The following BABAM2 variants were observed in gnomAD, a reference collection of about 807,000 sequenced individuals.
BABAM2 encodes the protein BRISC and BRCA1 A complex member 2.
Under a neutral mutation model 54.7 loss-of-function variants are expected in BABAM2, and 31 were observed. The observed-to-expected ratio is 0.57, with a 90% CI of 0.43 to 0.77. BABAM2 has a LOEUF of 0.77. Ranked by LOEUF, BABAM2 falls within the 30% of genes least tolerant of loss-of-function variation. The probability of loss-of-function intolerance (pLI) is 0.00; values close to 1 mark genes in which losing one functional copy is unlikely to be tolerated. For missense variants in BABAM2, 364 were observed against 455.8 expected, an observed-to-expected ratio of 0.80 and a Z score of 1.83; for synonymous variants, 167 against 162.9, an observed-to-expected ratio of 1.03 and a Z score of -0.19.
chr2:27,972,910 G>A (rs1671325543), intron 3 of BABAM2, among the ~76,000 whole-genome samples: 1 of 151,560 alleles, frequency 6.6e-6, no homozygotes, highest in East Asian at 1.9e-4. Flanking sequence ...GGGACTACAG[G>A]CGCGCACCCC....
At chr2:28,221,114 CTCT>C (rs1348713596) in intron 7 of BABAM2, among the ~76,000 whole-genome samples, 88 of 100,986 alleles carry the variant, frequency 8.7e-4, no homozygotes, top group African/African-American at 3.4e-3. Context: ...CTTTTTTCCT[CTCT>C]CTCTCTCTCT....
chr2:27,939,093 C>A (rs1278944141), intron 3 of BABAM2, among the ~76,000 whole-genome samples: 1 of 152,132 alleles, frequency 6.6e-6, no homozygotes, highest in Non-Finnish European at 1.5e-5. Context: ...GCTGGGACTA[C>A]AGGCACTGGC....
chr2:28,218,481 T>C (rs1680110494), intron 7 of BABAM2, among the ~76,000 whole-genome samples: 1 of 152,226 alleles, frequency 6.6e-6, no homozygotes, highest in South Asian at 2.1e-4. Context: ...GAAGAGTACA[T>C]ATCAGTCATC....
chr2:28,002,285 A>T (rs984635171), intron 4 of BABAM2, among the ~76,000 whole-genome samples: 1 of 152,146 alleles, frequency 6.6e-6, no homozygotes. Context: ...TGGTATCACA[A>T]AGTCTTGGAA....
At chr2:27,994,218 G>T (rs1014586459) in intron 4 of BABAM2, among the ~76,000 whole-genome samples, 7 of 152,156 alleles carry the variant, frequency 4.6e-5, no homozygotes, top group Non-Finnish European at 1.5e-5. Context: ...GTGGGAACAT[G>T]GAGAGGGGCA....
chr2:28,034,482 A>C (rs1447167308), intron 5 of BABAM2, among the ~76,000 whole-genome samples: 2 of 152,216 alleles, frequency 1.3e-5, no homozygotes, highest in Non-Finnish European at 2.9e-5. Flanking sequence ...GGTGCTCAAT[A>C]AGTGCCGCTT....
chr2:27,933,673 C>G (rs1668269339), intron 3 of BABAM2, among the ~76,000 whole-genome samples: 1 of 151,646 alleles, frequency 6.6e-6, no homozygotes, highest in African/African-American at 2.4e-5. Flanking sequence ...CCATGTTGGC[C>G]AGGATGGTCT....
chr2:28,302,469 A>G (rs935650835), intron 11 of BABAM2, among the ~76,000 whole-genome samples: 3 of 152,022 alleles, frequency 2.0e-5, no homozygotes, highest in Non-Finnish European at 4.4e-5. Flanking sequence ...ACTGCTGAGT[A>G]ATATTCTATT....
Position 27,928,315 on chromosome 2 carries a change from A to G in BABAM2, c.129-1517A>G, listed in dbSNP as rs566643424. On this transcript the variant is annotated intron_variant, in intron 2 of 11. Transcript: ENST00000379624. ...AGATGTGAGCCACCGCGCCTGGCCT[A>G]ATTTTTGAATTTTTAGTAAAGATGG... 2.0e-5 allele frequency among the ~76,000 whole-genome samples: 3 copies of G among 150,706 alleles called. No homozygotes were observed. The East Asian group carries it at 5.9e-4, about 29-fold the overall frequency.
chr2:28,235,669 T>C (rs1681837342), intron 7 of BABAM2, among the ~76,000 whole-genome samples: 1 of 151,832 alleles, frequency 6.6e-6, no homozygotes, highest in African/African-American at 2.4e-5. Flanking sequence ...TTTGTTTGTT[T>C]GTTTTGAGAC....
At chr2:27,930,179 G>T in intron 3 of BABAM2, 2 of 334,352 alleles carry the variant, frequency 6.0e-6, no homozygotes, top group South Asian at 3.5e-5. Flanking sequence ...CTCTATAGGC[G>T]GCTTTTACGT....
chr2:27,916,979 C>T (rs548603912), intron 2 of BABAM2, among the ~76,000 whole-genome samples: 40 of 146,314 alleles, frequency 2.7e-4, no homozygotes, highest in African/African-American at 9.3e-4. Flanking sequence ...ATAGAGAATC[C>T]TTTGTGTAAC....
Position 27,988,094 on chromosome 2 carries a change from A to G in BABAM2, c.300+7A>G, listed in dbSNP as rs184735129. ...AGACCCCTCAGCTTTGCAGGTGAGT[A>G]CTGCAGACTTGCTTGAATGATCTTT... is the stretch of plus-strand genomic sequence containing the variant. On this transcript the variant is annotated splice_region_variant and intron_variant, in intron 4 of 11. Transcript: ENST00000379624. 673 of 1,607,968 alleles carry G rather than the reference A, an allele frequency of 4.2e-4. No individual in the cohort carries two copies. The highest frequency in any genetic ancestry group is 5.4e-4 in the Non-Finnish European group (636 of 1,174,654).
chr2:28,004,046 A>T (rs997638503), intron 4 of BABAM2, among the ~76,000 whole-genome samples: 2 of 152,054 alleles, frequency 1.3e-5, no homozygotes, highest in Non-Finnish European at 2.9e-5. Flanking sequence ...TGGGTTATCT[A>T]CAAGAATGGG....
chr2:27,940,773 A>G (rs1209460049), intron 3 of BABAM2, among the ~76,000 whole-genome samples: 2 of 152,238 alleles, frequency 1.3e-5, no homozygotes, highest in Admixed American at 1.3e-4. Flanking sequence ...AAAGCCTATG[A>G]TGCCCAAGGG....
In BABAM2 at chr2:28,304,787, G is replaced by T. The variant is rs1306107030; in HGVS notation, c.1088+6296G>T. Among the ~76,000 whole-genome samples, 2 of 151,694 alleles carry T rather than the reference G, an allele frequency of 1.3e-5. No individual in the cohort carries two copies. The highest frequency in any genetic ancestry group is 2.9e-5 in the Non-Finnish European group (2 of 67,946). On this transcript the variant is annotated intron_variant, in intron 11 of 11. Coordinates refer to ENST00000379624, the MANE Select transcript of BABAM2 (RefSeq NM_199191.3). The surrounding 1 kb of genome is among the most constrained non-coding windows in gnomAD (Gnocchi z 4.0). ...AGTAGAGACGGAGTTTTACCATGTT[G>T]CCCAGGCTGGTCTCGAACTCCTGAG...
At chr2:28,294,165 G>C (rs1687502370) in intron 10 of BABAM2, among the ~76,000 whole-genome samples, 1 of 152,176 alleles carries the variant, frequency 6.6e-6, no homozygotes, top group African/African-American at 2.4e-5. Flanking sequence ...CAAGTCACAA[G>C]GTCAGGAGTT....
At chr2:28,312,077 A>T (rs2148283933) in intron 11 of BABAM2, among the ~76,000 whole-genome samples, 1 of 152,340 alleles carries the variant, frequency 6.6e-6, no homozygotes, top group African/African-American at 2.4e-5. Flanking sequence ...CAGGGCTGTC[A>T]TGAGTGATGT....
At chr2:28,327,467 C>T (rs766348681) in intron 11 of BABAM2, 2 of 1,542,754 alleles carry the variant, frequency 1.3e-6, no homozygotes, top group African/African-American at 1.4e-5. Flanking sequence ...TAAAAATACC[C>T]TGTGATTTAG....
Sources: gnomAD v4.1 joint callset for allele counts (sites outside exome capture counted in the v4.1 genomes callset) on GRCh38, gnomAD v4.1.1 for gene constraint, Gnocchi (gnomAD v3.1) non-coding constraint, MANE v1.5 for transcripts, NCBI Gene and HGNC (gene_info 2026-07-23, HGNC 2026-07-21) for gene names.